The following PTPRD variants were observed in gnomAD, a reference collection of about 807,000 sequenced individuals.
PTPRD encodes protein tyrosine phosphatase receptor type D, also known as receptor-type tyrosine-protein phosphatase delta.
Under a neutral mutation model 214.5 loss-of-function variants are expected in PTPRD, and 34 were observed. The observed-to-expected ratio is 0.16, with a 90% CI of 0.12 to 0.21. The LOEUF (loss-of-function observed/expected upper bound fraction) is 0.21, where lower values mean the gene tolerates loss of function less well. Among genes scored for constraint, PTPRD ranks in the 10% least tolerant of loss-of-function variants. PTPRD has a pLI of 1.00. For synonymous variants in PTPRD, 1,128 were observed against 845.7 expected (o/e 1.33, Z -5.79); for missense variants, 2,545 against 2,398.7 (o/e 1.06, Z -1.27).
intron 2 of PTPRD, among the ~76,000 whole-genome samples, chr9:10,524,565 G>A (rs1437647067): frequency 6.6e-6 from 1 of 151,856 alleles, no homozygotes; most frequent in South Asian, 2.1e-4. Flanking sequence ...TGAAGTCAAT[G>A]TTGTATTCCG....
At chr9:9,836,303 A>G (rs190279447) in intron 5 of PTPRD, among the ~76,000 whole-genome samples, 132 of 152,272 alleles carry the variant, frequency 8.7e-4, no homozygotes, top group Non-Finnish European at 4.1e-4. Flanking sequence ...GAAACTTTTA[A>G]TATCATGTAG....
At chr9:9,836,543 G>A (rs752645174) in intron 5 of PTPRD, among the ~76,000 whole-genome samples, 4 of 152,050 alleles carry the variant, frequency 2.6e-5, no homozygotes, top group Non-Finnish European at 5.9e-5. Context: ...TCTAGTTTAT[G>A]GGGTGACTGA....
At chr9:10,400,355 T>G (rs1200395739) in intron 2 of PTPRD, among the ~76,000 whole-genome samples, 1 of 151,836 alleles carries the variant, frequency 6.6e-6, no homozygotes, top group Non-Finnish European at 1.5e-5. Context: ...TTTTCTCTAG[T>G]CAAGACAAGT....
intron 5 of PTPRD, among the ~76,000 whole-genome samples, chr9:9,919,422 A>T (rs564262738): frequency 1.3e-5 from 2 of 152,118 alleles, no homozygotes; most frequent in Admixed American, 6.5e-5. Flanking sequence ...ATTTTTGCAG[A>T]AGCTTTTCAG....
intron 5 of PTPRD, among the ~76,000 whole-genome samples, chr9:9,819,655 T>TC (rs2050031896): frequency 6.6e-6 from 1 of 151,904 alleles, no homozygotes; most frequent in Admixed American, 6.6e-5. Context: ...TCATCCCTTG[T>TC]CCCCCTCCCT....
At chr9:10,407,829 G>T (rs2098388942) in intron 2 of PTPRD, among the ~76,000 whole-genome samples, 1 of 151,492 alleles carries the variant, frequency 6.6e-6, no homozygotes. Flanking sequence ...GTTCCAGAAT[G>T]CTACATACTG....
chr9:9,868,502 A>C (rs1255135565), intron 5 of PTPRD, among the ~76,000 whole-genome samples: 2 of 152,072 alleles, frequency 1.3e-5, no homozygotes, highest in Non-Finnish European at 2.9e-5. Flanking sequence ...GAGAAAGATA[A>C]GAGATTTGGA....
intron 2 of PTPRD, among the ~76,000 whole-genome samples, chr9:10,463,569 A>T (rs2098973367): frequency 6.6e-6 from 1 of 152,186 alleles, no homozygotes; most frequent in Admixed American, 6.5e-5. Flanking sequence ...ATTCACAATG[A>T]CCTCAGTACA....
At chr9:10,537,523 A>G (rs2058105245) in intron 2 of PTPRD, among the ~76,000 whole-genome samples, 2 of 152,154 alleles carry the variant, frequency 1.3e-5, no homozygotes, top group Admixed American at 6.6e-5. Flanking sequence ...TGAAATTGCA[A>G]TGATTTTTGG....
Position 10,124,004 on chromosome 9 carries a change from T to C in PTPRD, c.-544-90214A>G, listed in dbSNP as rs1402434434. Among the ~76,000 whole-genome samples, 6 of 152,144 alleles carry C rather than the reference T, an allele frequency of 3.9e-5. 1 individual carries two copies. Among genetic ancestry groups the C allele is most frequent in the African/African-American group, 9.7e-5 (4 of 41,440 alleles). On this transcript the variant is annotated intron_variant, in intron 3 of 45. Transcript: ENST00000381196. ...AGGTGTGAAGCTATCTAATTTTGTA[T>C]ATGGAGTGGAAACCCTGGAAGGAAC... is the stretch of plus-strand genomic sequence containing the variant.
At chr9:9,956,852 T>C (rs948006004) in intron 4 of PTPRD, among the ~76,000 whole-genome samples, 6 of 152,148 alleles carry the variant, frequency 3.9e-5, no homozygotes, top group African/African-American at 1.4e-4. Flanking sequence ...AGAAAGCACA[T>C]AAAATGTATG....
At chr9:9,317,564 G>A (rs1383536086) in intron 9 of PTPRD, among the ~76,000 whole-genome samples, 1 of 151,928 alleles carries the variant, frequency 6.6e-6, no homozygotes, top group African/African-American at 2.4e-5. Context: ...TCTATGGCCT[G>A]CACTAATTAG....
chr9:10,248,242 A>C (rs1212763406), intron 3 of PTPRD, among the ~76,000 whole-genome samples: 1 of 152,096 alleles, frequency 6.6e-6, no homozygotes, highest in Non-Finnish European at 1.5e-5. Context: ...TGTCAAGAGG[A>C]GGCTCTCAGT....
intron 2 of PTPRD, among the ~76,000 whole-genome samples, chr9:10,531,042 C>T (rs2056107045): frequency 6.6e-6 from 1 of 152,024 alleles, no homozygotes; most frequent in Non-Finnish European, 1.5e-5. Flanking sequence ...CTCCACTTCC[C>T]AGGTTCAAGT....
At chr9:8,919,912 A>ACATAGATGTACATGCATGTATGCATC (rs1395872163) in intron 11 of PTPRD, among the ~76,000 whole-genome samples, 1 of 121,794 alleles carries the variant, frequency 8.2e-6, no homozygotes, top group African/African-American at 2.5e-5. Context: ...ATGTATGCAT[A>ACATAGATGTACATGCATGTATGCATC]AGTGGATGCA....
intron 14 of PTPRD, among the ~76,000 whole-genome samples, chr9:8,592,890 G>A (rs919607270): frequency 6.6e-6 from 1 of 152,206 alleles, no homozygotes; most frequent in Non-Finnish European, 1.5e-5. Flanking sequence ...AAGTTGAATC[G>A]TGAAGGATAG....
chr9:10,353,299 A>G (rs1258819070), intron 2 of PTPRD, among the ~76,000 whole-genome samples: 1 of 151,940 alleles, frequency 6.6e-6, no homozygotes, highest in East Asian at 1.9e-4. Context: ...AACTTACAAT[A>G]ATGGTCCTAG....
chr9:8,563,776 C>T (rs577139246), intron 14 of PTPRD, among the ~76,000 whole-genome samples: 2 of 152,232 alleles, frequency 1.3e-5, no homozygotes, highest in South Asian at 4.1e-4. Flanking sequence ...ATTCTTGTGC[C>T]TCAGCCTCCA....
rs570019840 is a variant in PTPRD, at chr9:10,232,000, G to A, written c.-545+108963C>T. ...AGAGAGAGAGAGAGAGTGTGTGTGT[G>A]TGTGTGTGTGTGTGTGTGTGTGTGT... is the stretch of plus-strand genomic sequence containing the variant. On this transcript the variant is annotated intron_variant, in intron 3 of 45. Transcript: ENST00000381196. 4.6e-4 allele frequency among the ~76,000 whole-genome samples: 69 copies of A among 150,258 alleles called. 1 individual carries two copies. Among genetic ancestry groups the A allele is most frequent in the African/African-American group, 1.4e-3 (59 of 40,786 alleles).
Sources: allele counts gnomAD v4.1 joint callset (sites outside exome capture counted in the v4.1 genomes callset), GRCh38; gene constraint gnomAD v4.1.1; transcripts MANE v1.5; gene names NCBI Gene and HGNC (gene_info 2026-07-23, HGNC 2026-07-21).